The following CLVS1 variants were observed in gnomAD, a reference collection of about 807,000 sequenced individuals.
CLVS1 encodes clavesin-1.
CLVS1 carries 10 observed loss-of-function variants against 33.1 expected under a neutral mutation model. The observed-to-expected ratio is 0.30, with a 90% CI of 0.19 to 0.51. The LOEUF (loss-of-function observed/expected upper bound fraction) is 0.51. Ranked by LOEUF, CLVS1 falls within the 20% of genes least tolerant of loss-of-function variation. CLVS1 has a pLI of 0.97. For synonymous variants in CLVS1, 163 were observed against 166.1 expected (o/e 0.98, Z 0.14); for missense variants, 343 against 433.4 (o/e 0.79, Z 1.85).
intron 2 of CLVS1, among the ~76,000 whole-genome samples, chr8:61,177,384 C>G (rs932477685): frequency 6.6e-6 from 1 of 152,204 alleles, no homozygotes; most frequent in Non-Finnish European, 1.5e-5. Flanking sequence ...CATGGACCAG[C>G]ATAATTAGTC....
intron 2 of CLVS1, among the ~76,000 whole-genome samples, chr8:61,259,649 G>C (rs899903735): frequency 6.6e-6 from 1 of 152,236 alleles, no homozygotes; most frequent in Admixed American, 6.5e-5. Flanking sequence ...TAAGGAGAGA[G>C]ATTTCAATAG....
In CLVS1 at chr8:61,229,915, C is replaced by G. The variant is rs190459421; in HGVS notation, c.-151-69762C>G. ...GAGTGGGATTACAGGCCTGAGCCACCGCACCCAGCTGAGCCAGGCACATTT... is the reference window on the plus strand; with the variant it reads ...GAGTGGGATTACAGGCCTGAGCCACGGCACCCAGCTGAGCCAGGCACATTT... On this transcript the variant is annotated intron_variant, in intron 2 of 2. Transcript: ENST00000522621. Among the ~76,000 whole-genome samples, 571 of 152,308 alleles carry G rather than the reference C, an allele frequency of 3.7e-3. 5 individuals are homozygous for G. The highest frequency in any genetic ancestry group is 0.013 in the African/African-American group (524 of 41,570).
chr8:61,227,655 T>G (rs749129767), intron 2 of CLVS1, among the ~76,000 whole-genome samples: 1 of 152,212 alleles, frequency 6.6e-6, no homozygotes, highest in Non-Finnish European at 1.5e-5. Context: ...CATGTTTAAA[T>G]GGAGACAGTG....
chr8:61,235,386 A>G (rs1159549096), intron 2 of CLVS1, among the ~76,000 whole-genome samples: 2 of 152,222 alleles, frequency 1.3e-5, no homozygotes, highest in African/African-American at 4.8e-5. Context: ...AAGAATTTCA[A>G]ATCACAGATG....
At chr8:61,360,185 G>A (rs1183175947) in intron 2 of CLVS1, among the ~76,000 whole-genome samples, 3 of 152,152 alleles carry the variant, frequency 2.0e-5, no homozygotes, top group Non-Finnish European at 4.4e-5. Flanking sequence ...CTTTCCCACT[G>A]CATTAACAGG....
At chr8:61,408,046 A>G (rs1815059309) in intron 3 of CLVS1, among the ~76,000 whole-genome samples, 1 of 152,220 alleles carries the variant, frequency 6.6e-6, no homozygotes, top group African/African-American at 2.4e-5. Flanking sequence ...AGTATTTACA[A>G]AAGTCAGACA....
At position 61,295,812 on chromosome 8, in the gene CLVS1, G is replaced by A. The variant is rs753574026; in HGVS notation, c.-151-3865G>A. Among the ~76,000 whole-genome samples, 3 of 151,906 alleles carry A rather than the reference G, an allele frequency of 2.0e-5. No individual in the cohort carries two copies. The South Asian group carries it at 6.2e-4, about 32-fold the overall frequency. ...CTTAGTTTCCTCATTTGAAAAATGAGGACAATAATATACTCATTTCATACA... is the reference window on the plus strand; with the variant it reads ...CTTAGTTTCCTCATTTGAAAAATGAAGACAATAATATACTCATTTCATACA... On this transcript the variant is annotated intron_variant, in intron 1 of 5. Coordinates refer to ENST00000325897, the MANE Select transcript of CLVS1 (RefSeq NM_173519.3).
chr8:61,354,526 C>T (rs1182431973), intron 2 of CLVS1, among the ~76,000 whole-genome samples: 1 of 152,006 alleles, frequency 6.6e-6, no homozygotes, highest in East Asian at 1.9e-4. Flanking sequence ...AAAGCCTATA[C>T]ACAAATGTTC....
the CLVS1 span, among the ~76,000 whole-genome samples, chr8:61,029,222 G>A: frequency 1.3e-5 from 2 of 152,204 alleles, no homozygotes; most frequent in African/African-American, 4.8e-5. Context: ...GAGGGTTGAG[G>A]ACTCTAACCC....
chr8:61,191,748 C>A (rs1012445938), intron 2 of CLVS1, among the ~76,000 whole-genome samples: 1 of 152,038 alleles, frequency 6.6e-6, no homozygotes, highest in Non-Finnish European at 1.5e-5. Context: ...AAACAGAGAG[C>A]CAAATCATGA....
rs1004446368 is a variant in CLVS1 at position 61,345,638 on chromosome 8, A to ATGTGTGTG, written c.456-30941_456-30934dup. The stretch of plus-strand genomic sequence containing the variant: ...CCTCTAGGGGTGTGTGTGTGTGTGT[A>ATGTGTGTG]TGTGTGTGTGTGTGTGTGTGTGTGT... On this transcript the variant is annotated intron_variant, in intron 2 of 5. Coordinates refer to ENST00000325897, the MANE Select transcript of CLVS1 (RefSeq NM_173519.3). Among the ~76,000 whole-genome samples the ATGTGTGTG allele has an allele frequency of 5.2e-3, 679 of 130,470 alleles. 7 individuals are homozygous for ATGTGTGTG. Among genetic ancestry groups the ATGTGTGTG allele is most frequent in the East Asian group, 0.023 (109 of 4,754 alleles). 85.6% of individuals were successfully genotyped at this position (130,470 alleles called of 152,430 possible).
At chr8:61,277,177 A>G (rs1809574974) in intron 2 of CLVS1, among the ~76,000 whole-genome samples, 1 of 152,204 alleles carries the variant, frequency 6.6e-6, no homozygotes, top group African/African-American at 2.4e-5. Context: ...CACTACCTTT[A>G]GGCTAAAGAA....
At chr8:61,266,101 G>A (rs991253734) in intron 2 of CLVS1, among the ~76,000 whole-genome samples, 13 of 152,230 alleles carry the variant, frequency 8.5e-5, no homozygotes, top group African/African-American at 3.1e-4. Flanking sequence ...TCCTGACAAT[G>A]TTAAAATTTA....
At chr8:61,437,277 A>T (rs1050099157) in intron 3 of CLVS1, among the ~76,000 whole-genome samples, 1 of 152,208 alleles carries the variant, frequency 6.6e-6, no homozygotes, top group Non-Finnish European at 1.5e-5. Context: ...GTCACTGGAA[A>T]GGTGAGGGGT....
chr8:61,465,533 A>G (rs1221802953), intron 5 of CLVS1: 1 of 152,210 alleles, frequency 6.6e-6, no homozygotes. Flanking sequence ...TAAATGAATT[A>G]TTTCAATATT....
intron 2 of CLVS1, among the ~76,000 whole-genome samples, chr8:61,348,747 A>T (rs1364080007): frequency 6.6e-6 from 1 of 152,090 alleles, no homozygotes; most frequent in East Asian, 1.9e-4. Flanking sequence ...CAGAGATGGG[A>T]TTGCTGGATC....
chr8:61,003,815 C>A, the CLVS1 span, among the ~76,000 whole-genome samples: 29 of 152,244 alleles, frequency 1.9e-4, no homozygotes, highest in African/African-American at 5.1e-4. Context: ...CAGCAGTGAG[C>A]AAAACAGATG....
intron 2 of CLVS1, among the ~76,000 whole-genome samples, chr8:61,234,565 G>A (rs1003663874): frequency 3.3e-5 from 5 of 152,070 alleles, no homozygotes; most frequent in African/African-American, 7.3e-5. Context: ...CTTTCTACAC[G>A]CTATCCCGTT....
chr8:61,220,814 T>C (rs878900961), intron 2 of CLVS1, among the ~76,000 whole-genome samples: 2 of 152,226 alleles, frequency 1.3e-5, no homozygotes, highest in Non-Finnish European at 2.9e-5. Context: ...TTTCCATTTG[T>C]TTCTGTCCTC....
Sources: allele counts gnomAD v4.1 joint callset (sites outside exome capture counted in the v4.1 genomes callset), GRCh38; gene constraint gnomAD v4.1.1; transcripts MANE v1.5; gene names NCBI Gene and HGNC (gene_info 2026-07-23, HGNC 2026-07-21).